The following SLC8A3 variants were observed in gnomAD, a reference collection of about 807,000 sequenced individuals.
SLC8A3 encodes the protein sodium/calcium exchanger 3.
A neutral mutation model predicts 65.4 loss-of-function variants in SLC8A3; 37 were observed. The ratio of observed to expected loss-of-function variants is 0.57; its 90% CI spans 0.44 to 0.74. The LOEUF (loss-of-function observed/expected upper bound fraction) is 0.74, where lower values mean the gene tolerates loss of function less well. SLC8A3 is among the 30% of genes least tolerant of loss of function. The probability of loss-of-function intolerance (pLI) is 0.00; values close to 1 mark genes in which losing one functional copy is unlikely to be tolerated. For missense variants in SLC8A3, 1,112 were observed against 1,172.1 expected, an observed-to-expected ratio of 0.95 and a Z score of 0.75; for synonymous variants, 461 against 444.5, an observed-to-expected ratio of 1.04 and a Z score of -0.47.
At chr14:70,140,815 C>A (rs1202384147) in intron 2 of SLC8A3, among the ~76,000 whole-genome samples, 1 of 147,958 alleles carries the variant, frequency 6.8e-6, no homozygotes, top group African/African-American at 2.4e-5. Context: ...TCAGCAGCAC[C>A]TGGCATTTAC....
intron 2 of SLC8A3, among the ~76,000 whole-genome samples, chr14:70,141,049 A>C (rs1895537112): frequency 6.6e-6 from 1 of 152,248 alleles, no homozygotes; most frequent in Admixed American, 6.5e-5. Context: ...TATAGAGAAG[A>C]GGATAATGGT....
intron 2 of SLC8A3, among the ~76,000 whole-genome samples, chr14:70,114,673 C>T (rs1364154451): frequency 6.6e-6 from 1 of 152,200 alleles, no homozygotes; most frequent in Non-Finnish European, 1.5e-5. Context: ...TAGAGATCAT[C>T]ATCGACTCTG....
At chr14:70,141,446 G>A (rs1219713612) in intron 2 of SLC8A3, among the ~76,000 whole-genome samples, 1 of 152,244 alleles carries the variant, frequency 6.6e-6, no homozygotes, top group East Asian at 1.9e-4. Context: ...GTGACTTGCT[G>A]AAGTGTATGT....
intron 1 of SLC8A3, among the ~76,000 whole-genome samples, chr14:70,176,197 A>C (rs1259493949): frequency 6.6e-6 from 1 of 152,208 alleles, no homozygotes; most frequent in African/African-American, 2.4e-5. Context: ...GGGGAGTTAC[A>C]AACACTGAGA....
chr14:70,138,033 G>C (rs1347748688), intron 2 of SLC8A3, among the ~76,000 whole-genome samples: 1 of 152,136 alleles, frequency 6.6e-6, no homozygotes, highest in Non-Finnish European at 1.5e-5. Context: ...AGGGAAAATG[G>C]ATGGCAGATG....
intron 2 of SLC8A3, among the ~76,000 whole-genome samples, chr14:70,085,043 T>A (rs977669852): frequency 1.3e-5 from 2 of 152,220 alleles, no homozygotes; most frequent in African/African-American, 4.8e-5. Flanking sequence ...GGGCAAAGTA[T>A]GTGATAGGCA....
chr14:70,107,324 T>C (rs1240984378), intron 2 of SLC8A3, among the ~76,000 whole-genome samples: 1 of 152,150 alleles, frequency 6.6e-6, no homozygotes, highest in Non-Finnish European at 1.5e-5. Flanking sequence ...ATACATCTAC[T>C]GTGGCTGATA....
At chr14:70,176,630 T>C (rs114019520) in intron 1 of SLC8A3, among the ~76,000 whole-genome samples, 2,674 of 152,314 alleles carry the variant, frequency 0.018, 96 homozygotes, top group African/African-American at 0.062. Flanking sequence ...CACAAATGGG[T>C]ACCACAAGAC....
At chr14:70,064,185 G>A (rs1361510388) in intron 2 of SLC8A3, among the ~76,000 whole-genome samples, 1 of 152,172 alleles carries the variant, frequency 6.6e-6, no homozygotes, top group African/African-American at 2.4e-5. Context: ...CTTCACAGCC[G>A]AGGGCTCTGA....
At chr14:70,103,614 G>A (rs1171018509) in intron 2 of SLC8A3, among the ~76,000 whole-genome samples, 1 of 151,912 alleles carries the variant, frequency 6.6e-6, no homozygotes, top group Non-Finnish European at 1.5e-5. Flanking sequence ...TATACATATT[G>A]CTATCCCTAG....
Position 70,051,038 on chromosome 14 carries a change from G to T in SLC8A3, c.2083C>A (p.Gln695Lys). ...LVVGTHSWRD[Q>K]FMEAITVSAA... The stretch of plus-strand genomic sequence containing the variant: ...CTGACGGTGATGGCCTCCATGAACT[G>T]GTCCCTCCAGGAATGGGTCCCCACA... The change falls in exon 5 of 7, where the codon CAG (glutamine) becomes AAG (lysine). Residue 695 changes from glutamine (Q) to lysine (K), a missense_variant. Coordinates refer to ENST00000356921, the MANE Select transcript of SLC8A3 (RefSeq NM_182932.3). 1 of 1,613,100 alleles carries T rather than the reference G, an allele frequency of 6.2e-7. No individual in the cohort carries two copies. Among genetic ancestry groups the T allele is most frequent in the Non-Finnish European group, 8.5e-7 (1 of 1,179,156 alleles).
At chr14:70,092,614 CT>C (rs1193139868) in intron 2 of SLC8A3, among the ~76,000 whole-genome samples, 1 of 152,196 alleles carries the variant, frequency 6.6e-6, no homozygotes, top group Non-Finnish European at 1.5e-5. Flanking sequence ...TAGCCTATCT[CT>C]CCCACAGAAT....
At chr14:70,105,341 A>G (rs898037401) in intron 2 of SLC8A3, among the ~76,000 whole-genome samples, 2 of 152,184 alleles carry the variant, frequency 1.3e-5, no homozygotes, top group African/African-American at 4.8e-5. Context: ...ATAAGAAAAA[A>G]TAAAATAAAA....
rs117310482 is a variant in SLC8A3 at position 70,098,259 on chromosome 14, A to C, written c.1785-37320T>G. 2.2e-3 allele frequency among the ~76,000 whole-genome samples: 330 copies of C among 151,820 alleles called. 2 individuals are homozygous for C. The highest frequency in any genetic ancestry group is 0.014 in the Middle Eastern group (4 of 294). On this transcript the variant is annotated intron_variant, in intron 2 of 6. Coordinates refer to ENST00000356921, the MANE Select transcript of SLC8A3 (RefSeq NM_182932.3). Reference sequence around the variant, plus strand: ...GGTGCTCCATCCTTCTTCCAATTCCATAAAACTCTTTTCTTTAGAGGTTTT... The same window carrying C: ...GGTGCTCCATCCTTCTTCCAATTCCCTAAAACTCTTTTCTTTAGAGGTTTT...
chr14:70,066,414 C>T (rs1889428498), intron 2 of SLC8A3, among the ~76,000 whole-genome samples: 2 of 152,176 alleles, frequency 1.3e-5, no homozygotes, highest in Non-Finnish European at 2.9e-5. Context: ...TTTCCTAAAC[C>T]TGGAATCACC....
At chr14:70,129,847 A>T (rs971801191) in intron 2 of SLC8A3, among the ~76,000 whole-genome samples, 3 of 152,240 alleles carry the variant, frequency 2.0e-5, no homozygotes, top group African/African-American at 7.2e-5. Flanking sequence ...CTTGGAGGGC[A>T]GAATCCAGTA....
intron 2 of SLC8A3, among the ~76,000 whole-genome samples, chr14:70,160,063 AC>A (rs1896795766): frequency 1.3e-5 from 2 of 152,246 alleles, no homozygotes; most frequent in South Asian, 4.1e-4. Context: ...GCAATAAAAA[AC>A]AATACAAATA....
At chr14:70,121,487 TG>T (rs1410393492) in intron 2 of SLC8A3, among the ~76,000 whole-genome samples, 1 of 152,230 alleles carries the variant, frequency 6.6e-6, no homozygotes, top group East Asian at 1.9e-4. Flanking sequence ...ATGTGGTTGC[TG>T]AGAAACCACT....
intron 1 of SLC8A3, among the ~76,000 whole-genome samples, chr14:70,178,145 T>C (rs1882399664): frequency 6.6e-6 from 1 of 152,176 alleles, no homozygotes; most frequent in Non-Finnish European, 1.5e-5. Flanking sequence ...TCCTGAGATC[T>C]CCAGGCCCCA....
Sources: gnomAD v4.1 joint callset for allele counts (sites outside exome capture counted in the v4.1 genomes callset) on GRCh38, gnomAD v4.1.1 for gene constraint, MANE v1.5 for transcripts, NCBI Gene and HGNC (gene_info 2026-07-23, HGNC 2026-07-21) for gene names.